Variants in MTRF1 observed in about 807,000 individuals in gnomAD.
MTRF1 encodes the protein mitochondrial translation release factor 1.
MTRF1 carries 51 observed loss-of-function variants against 62.9 expected under a neutral mutation model. The ratio of observed to expected loss-of-function variants is 0.81; its 90% confidence interval spans 0.65 to 1.02. MTRF1 has a LOEUF of 1.02. Ranked by LOEUF, MTRF1 falls within the 50% of genes least tolerant of loss-of-function variation. MTRF1 has a pLI of 0.00. For synonymous variants in MTRF1, 158 were observed against 181.9 expected, an observed-to-expected ratio of 0.87 and a Z score of 1.06; for missense variants, 446 against 530.0, an observed-to-expected ratio of 0.84 and a Z score of 1.56.
the MTRF1 span, among the ~76,000 whole-genome samples, chr13:41,281,011 A>ACCTCCCTTG: frequency 5.3e-5 from 8 of 152,232 alleles, no homozygotes; most frequent in African/African-American, 1.9e-4. Flanking sequence ...TCATTATAGC[A>ACCTCCCTTG]GTATACACCT....
At chr13:41,301,267 T>G in the MTRF1 span, among the ~76,000 whole-genome samples, 1 of 152,164 alleles carries the variant, frequency 6.6e-6, no homozygotes, top group Non-Finnish European at 1.5e-5. Flanking sequence ...CTTTGAAGGT[T>G]CTCTGAAAAC....
At chr13:41,290,640 A>G in the MTRF1 span, among the ~76,000 whole-genome samples, 226 of 126,130 alleles carry the variant, frequency 1.8e-3, no homozygotes, top group Middle Eastern at 0.03. Flanking sequence ...TGATCCGCCC[A>G]CCTCGGCCTC....
At chr13:41,233,832 C>T in intron 7 of MTRF1, 58 bp downstream of exon 7, 1 of 1,376,518 alleles carries the variant, frequency 7.3e-7, no homozygotes, top group Non-Finnish European at 1.0e-6. Context: ...TATTTCCTTC[C>T]AAATGCTGAG....
chr13:41,288,143 G>C, the MTRF1 span: 4 of 509,858 alleles, frequency 7.8e-6, no homozygotes, highest in African/African-American at 5.9e-5. Context: ...TTCTTGTCCA[G>C]ATGTATCCCA....
At chr13:41,242,866 G>A (rs137925985) in intron 5 of MTRF1, among the ~76,000 whole-genome samples, 107 of 152,010 alleles carry the variant, frequency 7.0e-4, no homozygotes, top group Middle Eastern at 6.8e-3. Flanking sequence ...GGCAGACAGC[G>A]GGAGCCCAGG....
At chr13:41,289,421 A>C in the MTRF1 span, among the ~76,000 whole-genome samples, 30 of 152,168 alleles carry the variant, frequency 2.0e-4, no homozygotes, top group East Asian at 5.6e-3. Context: ...TATTTTTAGT[A>C]GAGATGGGGT....
At chr13:41,251,167 T>C (rs927906144) in intron 5 of MTRF1, among the ~76,000 whole-genome samples, 6 of 152,194 alleles carry the variant, frequency 3.9e-5, no homozygotes, top group Admixed American at 3.9e-4. Flanking sequence ...CTCTCACATC[T>C]AGTTACTTAG....
intron 5 of MTRF1, among the ~76,000 whole-genome samples, chr13:41,247,718 C>T (rs2038458698): frequency 6.6e-6 from 1 of 152,118 alleles, no homozygotes; most frequent in South Asian, 2.1e-4. Flanking sequence ...TCTTTCCCAC[C>T]ATAATAGCCT....
the MTRF1 span, among the ~76,000 whole-genome samples, chr13:41,281,619 G>A: frequency 6.6e-6 from 1 of 152,136 alleles, no homozygotes; most frequent in Admixed American, 6.5e-5. Context: ...ATGTGCCTGA[G>A]AGGGTGAAAA....
the MTRF1 span, among the ~76,000 whole-genome samples, chr13:41,309,341 A>AGTGTGTGTGTGTGTGTGTGTGTGTGT: frequency 2.8e-4 from 38 of 135,570 alleles, no homozygotes; most frequent in Non-Finnish European, 5.9e-4. Context: ...ATGCCCAGCT[A>AGTGTGTGTGTGTGTGTGTGTGTGTGT]GTGTGTGTGT....
chr13:41,292,057 CAG>C, the MTRF1 span, among the ~76,000 whole-genome samples: 1 of 152,050 alleles, frequency 6.6e-6, no homozygotes, highest in African/African-American at 2.4e-5. Context: ...TTCTGCTATG[CAG>C]AGACCAACAA....
chr13:41,256,119 GACAAC>G (rs1170846250), intron 2 of MTRF1, among the ~76,000 whole-genome samples: 4 of 152,140 alleles, frequency 2.6e-5, no homozygotes, highest in African/African-American at 9.7e-5. Flanking sequence ...TTGCTGGGGA[GACAAC>G]GAAGAAAAAA....
chr13:41,242,643 C>T (rs1014610538), intron 5 of MTRF1, among the ~76,000 whole-genome samples: 4 of 152,118 alleles, frequency 2.6e-5, no homozygotes, highest in South Asian at 2.1e-4. Context: ...CTGGCTATTT[C>T]GCTCTAAAAT....
At chr13:41,310,422 G>A in the MTRF1 span, among the ~76,000 whole-genome samples, 1 of 152,250 alleles carries the variant, frequency 6.6e-6, no homozygotes, top group Non-Finnish European at 1.5e-5. Context: ...TGTAATCCCA[G>A]CACTTTCGGA....
intron 2 of MTRF1, among the ~76,000 whole-genome samples, chr13:41,258,421 GA>G (rs1594040555): frequency 1.3e-5 from 2 of 151,644 alleles, no homozygotes; most frequent in Non-Finnish European, 1.5e-5. Context: ...TTTCATAAGA[GA>G]AAAAATGTAG....
chr13:41,257,201 A>T (rs1053737448), intron 2 of MTRF1, among the ~76,000 whole-genome samples: 2 of 152,194 alleles, frequency 1.3e-5, no homozygotes, highest in African/African-American at 4.8e-5. Context: ...TAGTACATGG[A>T]GAGGCTGGGG....
chr13:41,299,083 C>T, the MTRF1 span, among the ~76,000 whole-genome samples: 1 of 134,676 alleles, frequency 7.4e-6, no homozygotes, highest in South Asian at 2.6e-4. Flanking sequence ...GAGGCTGAGG[C>T]AGGTGAATCA....
At chr13:41,242,778 T>C (rs896586449) in intron 5 of MTRF1, among the ~76,000 whole-genome samples, 3 of 152,088 alleles carry the variant, frequency 2.0e-5, no homozygotes, top group Non-Finnish European at 4.4e-5. Context: ...ATGTGCAGCA[T>C]GCTTACTGCG....
At chr13:41,243,693 A>G (rs1468601577) in intron 5 of MTRF1, among the ~76,000 whole-genome samples, 1 of 152,192 alleles carries the variant, frequency 6.6e-6, no homozygotes, top group East Asian at 1.9e-4. Flanking sequence ...GACACTTCCA[A>G]TTTAAATTCA....
Sources: gnomAD v4.1 joint callset for allele counts (sites outside exome capture counted in the v4.1 genomes callset) on GRCh38, gnomAD v4.1.1 for gene constraint, MANE v1.5 for transcripts, NCBI Gene and HGNC (gene_info 2026-07-23, HGNC 2026-07-21) for gene names.